The following RNLS variants were observed in gnomAD, a reference collection of about 807,000 sequenced individuals.
RNLS encodes renalase, FAD dependent amine oxidase, also known as renalase.
RNLS carries 39 observed loss-of-function variants against 39.8 expected under a neutral mutation model. That is an observed-to-expected ratio of 0.98 (90% CI 0.76 to 1.28). The LOEUF (loss-of-function observed/expected upper bound fraction) is 1.28, where lower values mean the gene tolerates loss of function less well. Among genes scored for constraint, RNLS ranks in the 50% most tolerant of loss-of-function variants. The pLI, the probability that RNLS is intolerant of heterozygous loss-of-function variation, is 0.00. For missense variants in RNLS, 410 were observed against 413.3 expected (o/e 0.99, Z 0.07); for synonymous variants, 147 against 150.7 (o/e 0.98, Z 0.18).
exon 7 of RNLS, chr10:88,274,280 CCAT>C (rs1240808957): frequency 6.6e-6 from 1 of 152,242 alleles, no homozygotes; most frequent in African/African-American, 2.4e-5. Flanking sequence ...GCACCCATAA[CCAT>C]CATCCATCTC....
intron 4 of RNLS, among the ~76,000 whole-genome samples, chr10:88,411,883 C>T (rs753941712): frequency 2.9e-5 from 4 of 139,712 alleles, no homozygotes; most frequent in Non-Finnish European, 6.7e-5. Context: ...GAGTCACATG[C>T]GATGACATGG....
At chr10:88,309,453 T>C (rs1376665090) in intron 6 of RNLS, 2 of 1,289,628 alleles carry the variant, frequency 1.6e-6, no homozygotes, top group Admixed American at 2.3e-5. Context: ...TGTGTGCACA[T>C]CCACTTCCCC....
intron 4 of RNLS, among the ~76,000 whole-genome samples, chr10:88,431,342 T>C (rs1382672501): frequency 6.6e-6 from 1 of 151,704 alleles, no homozygotes; most frequent in East Asian, 1.9e-4. Context: ...TCATTACTGA[T>C]ATTAGCAATT....
chr10:88,493,060 G>A (rs1037310141), intron 4 of RNLS, among the ~76,000 whole-genome samples: 7 of 151,902 alleles, frequency 4.6e-5, no homozygotes, highest in East Asian at 1.9e-4. Flanking sequence ...AATCTTTTTC[G>A]GTTATTTGAG....
At chr10:88,286,885 T>A (rs553953272) in intron 6 of RNLS, among the ~76,000 whole-genome samples, 1 of 151,660 alleles carries the variant, frequency 6.6e-6, no homozygotes, top group Admixed American at 6.6e-5. Context: ...CTTGAACTCC[T>A]AGGCCAAGAG....
At chr10:88,367,400 GTTAA>G (rs1328250887) in intron 4 of RNLS, among the ~76,000 whole-genome samples, 13 of 152,104 alleles carry the variant, frequency 8.5e-5, no homozygotes, top group Admixed American at 3.3e-4. Context: ...TGTAGTTGTA[GTTAA>G]TTAATTCTCA....
the RNLS span, among the ~76,000 whole-genome samples, chr10:88,195,598 T>A: frequency 6.6e-6 from 1 of 152,126 alleles, no homozygotes; most frequent in South Asian, 2.1e-4. Flanking sequence ...AATTTCCCCA[T>A]AGTTCATTAG....
At chr10:88,196,613 G>T in the RNLS span, among the ~76,000 whole-genome samples, 1 of 152,104 alleles carries the variant, frequency 6.6e-6, no homozygotes, top group Non-Finnish European at 1.5e-5. Context: ...TCAGTTATCT[G>T]CTTCCCCTCA....
At chr10:88,235,267 C>CAAA in the RNLS span, among the ~76,000 whole-genome samples, 93 of 61,806 alleles carry the variant, frequency 1.5e-3, no homozygotes, top group Middle Eastern at 0.012. Context: ...GACTCTATCT[C>CAAA]AAAAAAAAAA....
At chr10:88,545,287 A>AT (rs1848241242) in intron 4 of RNLS, among the ~76,000 whole-genome samples, 1 of 152,204 alleles carries the variant, frequency 6.6e-6, no homozygotes, top group Non-Finnish European at 1.5e-5. Context: ...AGAAAGACTA[A>AT]TAAAAAAGAA....
At chr10:88,567,567 C>T (rs1849580779) in intron 4 of RNLS, among the ~76,000 whole-genome samples, 1 of 152,156 alleles carries the variant, frequency 6.6e-6, no homozygotes. Flanking sequence ...TTGCCAACCT[C>T]CATGGCAATA....
chr10:88,356,454 C>T (rs1452479960), intron 5 of RNLS, among the ~76,000 whole-genome samples: 1 of 152,190 alleles, frequency 6.6e-6, no homozygotes, highest in African/African-American at 2.4e-5. Context: ...TTAAGTGTCA[C>T]AAGGTGACAG....
chr10:88,265,556 G>C, the RNLS span, among the ~76,000 whole-genome samples: 1 of 151,846 alleles, frequency 6.6e-6, no homozygotes, highest in African/African-American at 2.4e-5. Context: ...TCTTTGTAGA[G>C]GTCTTTCATG....
chr10:88,537,438 G>A (rs911373221), intron 4 of RNLS, among the ~76,000 whole-genome samples: 1 of 152,150 alleles, frequency 6.6e-6, no homozygotes, highest in Admixed American at 6.5e-5. Flanking sequence ...TAATAGTACA[G>A]ACTGGAAAAC....
chr10:88,211,408 G>A, the RNLS span, among the ~76,000 whole-genome samples: 1 of 152,320 alleles, frequency 6.6e-6, no homozygotes, highest in East Asian at 1.9e-4. Flanking sequence ...TTTACAGCAT[G>A]TTGGTGAAAT....
chr10:88,358,183 T>C (rs1849343573), intron 5 of RNLS, among the ~76,000 whole-genome samples: 1 of 152,218 alleles, frequency 6.6e-6, no homozygotes, highest in East Asian at 1.9e-4. Flanking sequence ...ACATAAATTT[T>C]CTCAAATTTT....
At chr10:88,245,089 C>A in the RNLS span, among the ~76,000 whole-genome samples, 3 of 152,308 alleles carry the variant, frequency 2.0e-5, no homozygotes, top group East Asian at 3.9e-4. Flanking sequence ...AAAGGAAAAG[C>A]TTTGCCCATA....
At chr10:88,246,915 T>C in the RNLS span, among the ~76,000 whole-genome samples, 1 of 152,234 alleles carries the variant, frequency 6.6e-6, no homozygotes, top group African/African-American at 2.4e-5. Flanking sequence ...TCACACAGGC[T>C]AATCTGACAT....
intron 6 of RNLS, among the ~76,000 whole-genome samples, chr10:88,297,628 CAT>C (rs1250664916): frequency 2.0e-5 from 3 of 152,162 alleles, no homozygotes; most frequent in African/African-American, 7.2e-5. Flanking sequence ...TTTCATATAA[CAT>C]GTTTTCAAGG....
Sources: allele counts gnomAD v4.1 joint callset (sites outside exome capture counted in the v4.1 genomes callset), GRCh38; gene constraint gnomAD v4.1.1; transcripts MANE v1.5; gene names NCBI Gene and HGNC (gene_info 2026-07-23, HGNC 2026-07-21).